Variants in MAGI1 observed in about 807,000 individuals in gnomAD.
The protein encoded by MAGI1 is membrane-associated guanylate kinase, WW and PDZ domain-containing protein 1.
MAGI1 carries 58 observed loss-of-function variants against 139.9 expected under a neutral mutation model. The ratio of observed to expected loss-of-function variants is 0.41; its 90% CI spans 0.34 to 0.52. The LOEUF (loss-of-function observed/expected upper bound fraction) is 0.52, where lower values mean the gene tolerates loss of function less well. MAGI1 is among the 20% of genes least tolerant of loss of function. The pLI, the probability that MAGI1 is intolerant of heterozygous loss-of-function variation, is 0.12. For synonymous variants in MAGI1, 812 were observed against 737.9 expected, an observed-to-expected ratio of 1.10 and a Z score of -1.63; for missense variants, 1,874 against 1,901.6, an observed-to-expected ratio of 0.99 and a Z score of 0.27.
intron 1 of MAGI1, among the ~76,000 whole-genome samples, chr3:65,786,681 C>T (rs1000367574): frequency 8.7e-5 from 13 of 149,698 alleles, no homozygotes; most frequent in South Asian, 2.1e-4. Context: ...GCACGATCTC[C>T]GCTCACTGCA....
At chr3:65,360,877 A>G (rs1940784564) in intron 22 of MAGI1, 6 of 1,217,970 alleles carry the variant, frequency 4.9e-6, no homozygotes, top group Admixed American at 7.8e-5. Context: ...TGTGCTAACA[A>G]TTGGATCTGA....
In MAGI1 at chr3:66,038,375, C is replaced by CA; in HGVS notation, c.-68dup. ...AGGTGCCCCCCACAGCACGAGCCCC[C>CA]AAGCCTCCGCTTGTTCATGGGAGAA... On this transcript the variant is annotated 5_prime_UTR_variant, in exon 1 of 23. Coordinates refer to ENST00000402939, the MANE Select transcript of MAGI1 (RefSeq NM_001033057.2). 3 of 1,498,014 alleles carry CA rather than the reference C, an allele frequency of 2.0e-6. No individual in the cohort carries two copies. The highest frequency in any genetic ancestry group is 1.8e-6 in the Non-Finnish European group (2 of 1,129,392). The allele number at this position is 1,498,014 out of a possible 1,614,324, so 92.8% of individuals were successfully genotyped here. A position where few individuals can be genotyped will look rare whatever the true frequency, so the allele number is the denominator to read the frequency against.
At chr3:66,031,192 C>T (rs897922752) in intron 1 of MAGI1, among the ~76,000 whole-genome samples, 28 of 152,272 alleles carry the variant, frequency 1.8e-4, no homozygotes, top group South Asian at 6.2e-4. Flanking sequence ...CAGCCCTTAA[C>T]GAATTTGACA....
chr3:65,993,476 C>A (rs1213282568), intron 1 of MAGI1, among the ~76,000 whole-genome samples: 2 of 152,192 alleles, frequency 1.3e-5, no homozygotes, highest in Non-Finnish European at 2.9e-5. Flanking sequence ...CAGAGAAACA[C>A]ACTTCACACA....
intron 2 of MAGI1, among the ~76,000 whole-genome samples, chr3:65,534,152 G>C (rs1241345260): frequency 2.0e-5 from 3 of 152,108 alleles, no homozygotes; most frequent in Non-Finnish European, 4.4e-5. Context: ...GTGTGTGTGT[G>C]TTTCTACAGC....
At chr3:65,802,848 C>CTATGTG (rs1553709734) in intron 1 of MAGI1, among the ~76,000 whole-genome samples, 1 of 138,134 alleles carries the variant, frequency 7.2e-6, no homozygotes, top group Non-Finnish European at 1.5e-5. Context: ...ATCATCTCAT[C>CTATGTG]TGTGTGTGTG....
chr3:65,482,778 C>T (rs1951370940), intron 3 of MAGI1, among the ~76,000 whole-genome samples: 1 of 152,192 alleles, frequency 6.6e-6, no homozygotes, highest in Admixed American at 6.5e-5. Flanking sequence ...GGATTAGTGA[C>T]CAACATTTAA....
intron 1 of MAGI1, among the ~76,000 whole-genome samples, chr3:65,755,030 T>C (rs1454520580): frequency 6.6e-6 from 1 of 151,972 alleles, no homozygotes; most frequent in Non-Finnish European, 1.5e-5. Context: ...CTTGGCTCAC[T>C]GCAACCTCCA....
chr3:65,899,883 G>C (rs1295504319), intron 1 of MAGI1, among the ~76,000 whole-genome samples: 1 of 152,104 alleles, frequency 6.6e-6, no homozygotes, highest in East Asian at 1.9e-4. Flanking sequence ...TAGAAGTCTT[G>C]GTCAAGTCCA....
At chr3:65,449,885 A>G (rs759515048) in intron 6 of MAGI1, among the ~76,000 whole-genome samples, 5 of 152,216 alleles carry the variant, frequency 3.3e-5, no homozygotes, top group Non-Finnish European at 5.9e-5. Context: ...AGTAAGATAC[A>G]TGAGTGACCT....
intron 1 of MAGI1, among the ~76,000 whole-genome samples, chr3:65,863,753 C>CA (rs1281648545): frequency 6.6e-6 from 1 of 152,058 alleles, no homozygotes; most frequent in Non-Finnish European, 1.5e-5. Flanking sequence ...AAACGCAACC[C>CA]AAAATGACTT....
intron 6 of MAGI1, among the ~76,000 whole-genome samples, chr3:65,450,936 T>C (rs1415068096): frequency 6.6e-6 from 1 of 152,146 alleles, no homozygotes. Context: ...CAACAGAAAA[T>C]GCAAACTGAT....
chr3:65,955,091 T>C (rs1163828260), intron 1 of MAGI1, among the ~76,000 whole-genome samples: 3 of 151,928 alleles, frequency 2.0e-5, no homozygotes, highest in Non-Finnish European at 4.4e-5. Context: ...CTTACTTAAC[T>C]TCCCGAAAGA....
At chr3:65,914,478 G>A (rs1420233976) in intron 1 of MAGI1, among the ~76,000 whole-genome samples, 1 of 152,146 alleles carries the variant, frequency 6.6e-6, no homozygotes, top group Non-Finnish European at 1.5e-5. Flanking sequence ...GAGAATTATG[G>A]AGACTAAGAG....
chr3:65,873,247 C>A (rs1030292065), intron 1 of MAGI1: 1 of 152,150 alleles, frequency 6.6e-6, no homozygotes, highest in Non-Finnish European at 1.5e-5. Context: ...TAGATCAGGA[C>A]ACATCCAGTG....
At chr3:65,937,580 G>A (rs1576157029) in intron 1 of MAGI1, among the ~76,000 whole-genome samples, 1 of 152,240 alleles carries the variant, frequency 6.6e-6, no homozygotes, top group African/African-American at 2.4e-5. Context: ...CCATCAGGGT[G>A]CATGTGTGTT....
chr3:65,692,656 AAAGG>A, intron 1 of MAGI1, among the ~76,000 whole-genome samples: 1 of 152,244 alleles, frequency 6.6e-6, no homozygotes, highest in Admixed American at 6.5e-5. Context: ...AACTGTGTTG[AAAGG>A]TGGGACCTTT....
At chr3:66,012,041 C>T (rs2067347939) in intron 1 of MAGI1, among the ~76,000 whole-genome samples, 1 of 152,044 alleles carries the variant, frequency 6.6e-6, no homozygotes, top group Non-Finnish European at 1.5e-5. Flanking sequence ...CTACATCACA[C>T]AACCTTGTCT....
intron 1 of MAGI1, among the ~76,000 whole-genome samples, chr3:65,806,129 T>A (rs552041892): frequency 1.3e-5 from 2 of 151,960 alleles, no homozygotes. Context: ...AAATTAAAAA[T>A]TTTTTTCAAA....
Sources: allele counts gnomAD v4.1 joint callset (sites outside exome capture counted in the v4.1 genomes callset), GRCh38; gene constraint gnomAD v4.1.1; transcripts MANE v1.5; gene names NCBI Gene and HGNC (gene_info 2026-07-23, HGNC 2026-07-21).